HSF5: variants seen among roughly 807,000 people sequenced by gnomAD.
HSF5 encodes heat shock transcription factor 5.
A neutral mutation model predicts 50.8 loss-of-function variants in HSF5; 5 were observed. The observed-to-expected ratio is 0.10, with a 90% CI of 0.05 to 0.21. HSF5 has a LOEUF of 0.21. Ranked by LOEUF, HSF5 falls within the 10% of genes least tolerant of loss-of-function variation. The pLI is 1.00. For missense variants in HSF5, 564 were observed against 762.6 expected, an observed-to-expected ratio of 0.74 and a Z score of 3.07; for synonymous variants, 307 against 307.4, an observed-to-expected ratio of 1.00 and a Z score of 0.02.
chr17:58,455,211 G>A (rs905780351), intron 5 of HSF5, among the ~76,000 whole-genome samples: 3 of 152,110 alleles, frequency 2.0e-5, no homozygotes, highest in Non-Finnish European at 4.4e-5. Context: ...AAGTTGCCAA[G>A]TACACACATT....
intron 5 of HSF5, among the ~76,000 whole-genome samples, chr17:58,428,551 C>T (rs1434483212): frequency 2.6e-5 from 4 of 151,852 alleles, no homozygotes; most frequent in Admixed American, 6.6e-5. Context: ...CCCAGCTACT[C>T]GGAAAGCTGA....
At chr17:58,460,276 C>T (rs1193726294) in intron 4 of HSF5, among the ~76,000 whole-genome samples, 3 of 152,114 alleles carry the variant, frequency 2.0e-5, no homozygotes, top group Non-Finnish European at 2.9e-5. Context: ...ACCTCAGCTT[C>T]CAAAGGTGCT....
intron 2 of HSF5, among the ~76,000 whole-genome samples, chr17:58,471,787 G>A (rs551726731): frequency 5.1e-4 from 77 of 151,726 alleles, no homozygotes; most frequent in Middle Eastern, 3.4e-3. Context: ...AAAATATCAC[G>A]TGTACCTTGG....
At chr17:58,428,992 G>A (rs2143727667) in intron 5 of HSF5, among the ~76,000 whole-genome samples, 1 of 152,214 alleles carries the variant, frequency 6.6e-6, no homozygotes, top group South Asian at 2.1e-4. Context: ...AAGCCCAAAT[G>A]CCCATCAGTT....
chr17:58,435,313 C>T (rs1490352188), intron 5 of HSF5, among the ~76,000 whole-genome samples: 1 of 152,072 alleles, frequency 6.6e-6, no homozygotes, highest in Non-Finnish European at 1.5e-5. Flanking sequence ...CTTTGGGAGG[C>T]CAAGGTGGGT....
chr17:58,475,244 AT>A (rs1322316238), intron 2 of HSF5, among the ~76,000 whole-genome samples: 1 of 152,254 alleles, frequency 6.6e-6, no homozygotes, highest in Non-Finnish European at 1.5e-5. Flanking sequence ...CAGCTAGAAA[AT>A]AGTGAGTACT....
At chr17:58,484,945 ATTTTTTTTTT>A (rs143908081) in intron 1 of HSF5, among the ~76,000 whole-genome samples, 1 of 65,136 alleles carries the variant, frequency 1.5e-5, no homozygotes, top group Non-Finnish European at 2.7e-5. Flanking sequence ...AATAACCCAG[ATTTTTTTTTT>A]TTTTTTTTTT....
intron 4 of HSF5, among the ~76,000 whole-genome samples, chr17:58,460,984 C>T (rs1330017210): frequency 6.6e-6 from 1 of 151,150 alleles, no homozygotes; most frequent in Non-Finnish European, 1.5e-5. Flanking sequence ...TTTGGGAGGC[C>T]GAGGTGGGCG....
rs566135522 is a variant in HSF5, at chr17:58,420,708, T to C, written c.*1652A>G. 15 of 152,356 alleles carry C rather than the reference T, an allele frequency of 9.8e-5. 1 individual carries two copies. The highest frequency in any genetic ancestry group is 3.9e-4 in the East Asian group (2 of 5,184). The allele number at this position is 152,356 out of a possible 1,614,324, so 9.4% of individuals were successfully genotyped here. A position where few individuals can be genotyped will look rare whatever the true frequency, so the allele number is the denominator to read the frequency against. ...AAAAGATATAGGTGTCTTGATAATTTGCTCTTTTAAACCTTGCTAATAAAG... is the reference window on the plus strand; with the variant it reads ...AAAAGATATAGGTGTCTTGATAATTCGCTCTTTTAAACCTTGCTAATAAAG... On this transcript the variant is annotated 3_prime_UTR_variant, in exon 6 of 6. Coordinates refer to ENST00000323777, the MANE Select transcript of HSF5 (RefSeq NM_001080439.3).
chr17:58,483,618 T>G (rs1454394689), intron 1 of HSF5, among the ~76,000 whole-genome samples: 2 of 152,240 alleles, frequency 1.3e-5, no homozygotes, highest in African/African-American at 4.8e-5. Flanking sequence ...AAAACTTGCC[T>G]CTTGAGAGCA....
At position 58,422,031 on chromosome 17, in the gene HSF5, C is replaced by T. The variant is rs1974235143; in HGVS notation, c.*329G>A. ...GCAAGACAACAAATCAGCACACACA[C>T]AGATTATTCTTAGTACCATAGATGG... On this transcript the variant is annotated 3_prime_UTR_variant, in exon 6 of 6. Coordinates refer to ENST00000323777, the MANE Select transcript of HSF5 (RefSeq NM_001080439.3). 1 of 205,798 alleles carries T rather than the reference C, an allele frequency of 4.9e-6. No individual in the cohort carries two copies. The highest frequency in any genetic ancestry group is 2.3e-5 in the African/African-American group (1 of 42,948). The allele number at this position is 205,798 out of a possible 1,614,324, so 12.7% of individuals were successfully genotyped here.
chr17:58,444,657 C>T lies in HSF5; in HGVS notation c.1720+14111G>A, dbSNP rs149390570. Among the ~76,000 whole-genome samples, 116 of 152,204 alleles carry T rather than the reference C, an allele frequency of 7.6e-4. 3 individuals carry two copies. Among genetic ancestry groups the T allele is most frequent in the Admixed American group, 6.7e-3 (103 of 15,290 alleles). ...AAGAAAACAGAGAGAGATAACTTCA[C>T]GACACTGGACTTGGCAATGCTTTCC... On this transcript the variant is annotated intron_variant, in intron 5 of 5. Coordinates refer to ENST00000323777, the MANE Select transcript of HSF5 (RefSeq NM_001080439.3).
intron 2 of HSF5, among the ~76,000 whole-genome samples, chr17:58,473,387 G>A (rs1691912913): frequency 6.6e-6 from 1 of 152,020 alleles, no homozygotes; most frequent in African/African-American, 2.4e-5. Flanking sequence ...AAGAAAAACA[G>A]TTCTCAATAT....
intron 5 of HSF5, among the ~76,000 whole-genome samples, chr17:58,454,418 C>G (rs756898257): frequency 6.6e-6 from 1 of 152,092 alleles, no homozygotes; most frequent in African/African-American, 2.4e-5. Flanking sequence ...CCTCGAAGAT[C>G]TGGAACAAGC....
chr17:58,441,878 CTT>C (rs1974502632), intron 5 of HSF5, among the ~76,000 whole-genome samples: 1 of 152,194 alleles, frequency 6.6e-6, no homozygotes, highest in African/African-American at 2.4e-5. Context: ...CTATTTTTCT[CTT>C]TTTTGAGTGA....
chr17:58,475,538 G>A (rs1366240291), intron 2 of HSF5, among the ~76,000 whole-genome samples: 1 of 152,136 alleles, frequency 6.6e-6, no homozygotes, highest in African/African-American at 2.4e-5. Context: ...AATTGCAAAG[G>A]ATATCTGTCA....
In HSF5 at chr17:58,488,393, G is replaced by A; in HGVS notation, c.-119C>T. 2 of 1,301,534 alleles carry A rather than the reference G, an allele frequency of 1.5e-6. No individual in the cohort carries two copies. The highest frequency in any genetic ancestry group is 3.2e-5 in the East Asian group (1 of 31,650). The allele number at this position is 1,301,534 out of a possible 1,614,324, so 80.6% of individuals were successfully genotyped here. On this transcript the variant is annotated 5_prime_UTR_variant, in exon 1 of 6. Coordinates refer to ENST00000323777, the MANE Select transcript of HSF5 (RefSeq NM_001080439.3). The surrounding 1 kb of genome is among the most constrained non-coding windows in gnomAD (Gnocchi z 4.1). ...GCCGGCGCCCATCCGCCGCGTACCA[G>A]GGACCGTTGGCGCACGAGGCCCCGC...
At chr17:58,443,641 A>G (rs1974524505) in intron 5 of HSF5, among the ~76,000 whole-genome samples, 1 of 152,220 alleles carries the variant, frequency 6.6e-6, no homozygotes, top group Non-Finnish European at 1.5e-5. Context: ...AGAGGTATCT[A>G]TCCTTTAACT....
intron 5 of HSF5, among the ~76,000 whole-genome samples, chr17:58,435,898 CAAAAAAAAAAA>C (rs11458311): frequency 1.7e-5 from 1 of 60,290 alleles, no homozygotes; most frequent in African/African-American, 6.3e-5. Context: ...GACTCCATCT[CAAAAAAAAAAA>C]AAAAAAAAAA....
Sources: gnomAD v4.1 joint callset for allele counts (sites outside exome capture counted in the v4.1 genomes callset) on GRCh38, gnomAD v4.1.1 for gene constraint, Gnocchi (gnomAD v3.1) non-coding constraint, MANE v1.5 for transcripts, NCBI Gene and HGNC (gene_info 2026-07-23, HGNC 2026-07-21) for gene names.